SLC8A1: variants seen among roughly 807,000 people sequenced by gnomAD.
SLC8A1 encodes the protein solute carrier family 8 member A1.
A neutral mutation model predicts 68.3 loss-of-function variants in SLC8A1; 18 were observed. That is an observed-to-expected ratio of 0.26 (90% CI 0.18 to 0.39). SLC8A1 has a LOEUF of 0.39. Ranked by LOEUF, SLC8A1 falls within the 10% of genes least tolerant of loss-of-function variation. The pLI is 1.00. For missense variants in SLC8A1, 985 were observed against 1,156.7 expected (o/e 0.85, Z 2.15); for synonymous variants, 475 against 415.5 (o/e 1.14, Z -1.74).
chr2:40,270,052 A>C (rs1454228774), intron 2 of SLC8A1, among the ~76,000 whole-genome samples: 1 of 152,180 alleles, frequency 6.6e-6, no homozygotes, highest in Non-Finnish European at 1.5e-5. Flanking sequence ...AATTCTTACA[A>C]TAAATGGTCA....
At chr2:40,497,333 G>C (rs1341632569) in intron 1 of SLC8A1, among the ~76,000 whole-genome samples, 1 of 152,032 alleles carries the variant, frequency 6.6e-6, no homozygotes, top group African/African-American at 2.4e-5. Context: ...CTGTGTGTCA[G>C]ACACTGTGTC....
intron 2 of SLC8A1, among the ~76,000 whole-genome samples, chr2:40,188,549 G>A (rs1308265386): frequency 4.6e-5 from 7 of 152,178 alleles, no homozygotes; most frequent in African/African-American, 9.7e-5. Context: ...CATCAGACTC[G>A]TTCCAGAGAT....
At chr2:40,323,941 T>C (rs1407416223) in intron 2 of SLC8A1, among the ~76,000 whole-genome samples, 1 of 151,892 alleles carries the variant, frequency 6.6e-6, no homozygotes, top group Non-Finnish European at 1.5e-5. Flanking sequence ...CTGTACAAAA[T>C]TTTGCTTATT....
At chr2:40,235,299 G>A (rs934114112) in intron 2 of SLC8A1, among the ~76,000 whole-genome samples, 4 of 152,092 alleles carry the variant, frequency 2.6e-5, no homozygotes, top group African/African-American at 9.7e-5. Context: ...TCTATTCAGA[G>A]ATTCAACTTC....
intron 2 of SLC8A1, among the ~76,000 whole-genome samples, chr2:40,298,673 T>A (rs1204556985): frequency 2.0e-5 from 3 of 152,186 alleles, no homozygotes; most frequent in Admixed American, 6.5e-5. Context: ...TATGTTCAAG[T>A]TTTCGCTAAC....
chr2:40,368,682 T>A (rs1488054769), intron 2 of SLC8A1, among the ~76,000 whole-genome samples: 1 of 152,062 alleles, frequency 6.6e-6, no homozygotes, highest in Admixed American at 6.6e-5. Context: ...TACAGATTAT[T>A]TGAAAACCCA....
chr2:40,178,255 A>C, intron 2 of SLC8A1, 132 bp downstream of exon 3: 1 of 734,362 alleles, frequency 1.4e-6, no homozygotes, highest in Non-Finnish European at 2.4e-6. Context: ...GTGGCTCAGC[A>C]TGAGATCTGT....
Position 40,422,254 on chromosome 2 carries a change from G to A in SLC8A1, c.1808+6219C>T, listed in dbSNP as rs112514826. On this transcript the variant is annotated intron_variant, in intron 2 of 7. Coordinates refer to ENST00000406785, the Ensembl canonical transcript of SLC8A1. ...TTTATACTGTAATAAGGGACTAATC[G>A]ATGTTCTACCCCAAACAGTAAATCT... 5.3e-3 allele frequency among the ~76,000 whole-genome samples: 799 copies of A among 149,494 alleles called. 8 individuals carry two copies. The highest frequency in any genetic ancestry group is 0.019 in the African/African-American group (734 of 38,948).
At chr2:40,218,780 T>A (rs1428655640) in intron 2 of SLC8A1, among the ~76,000 whole-genome samples, 1 of 151,956 alleles carries the variant, frequency 6.6e-6, no homozygotes, top group Non-Finnish European at 1.5e-5. Context: ...TAGACCTGTT[T>A]CTTCTATTTT....
rs139431716 is a variant in SLC8A1 at position 40,257,242 on chromosome 2, A to T, written c.1809-79387T>A. Among the ~76,000 whole-genome samples the T allele has an allele frequency of 2.8e-3, 433 of 152,258 alleles. 2 individuals are homozygous for T. The highest frequency in any genetic ancestry group is 9.5e-3 in the African/African-American group (393 of 41,556). ...AGATAAAAAATAAATAAATAAAAAG[A>T]TCTTAGCTCACTGTCGTACTCTAGT... On this transcript the variant is annotated intron_variant, in intron 2 of 7. Transcript: ENST00000406785.
intron 2 of SLC8A1, among the ~76,000 whole-genome samples, chr2:40,328,499 C>T (rs969831183): frequency 1.6e-4 from 24 of 152,158 alleles, no homozygotes; most frequent in African/African-American, 5.6e-4. Flanking sequence ...TAGGTAATGT[C>T]ACCTGATGAC....
intron 1 of SLC8A1, among the ~76,000 whole-genome samples, chr2:40,463,219 T>C (rs959053845): frequency 6.6e-6 from 1 of 151,980 alleles, no homozygotes; most frequent in Non-Finnish European, 1.5e-5. Context: ...GGGAGTGAAG[T>C]GAGTTCAGTA....
At chr2:40,360,582 A>C (rs891099016) in intron 2 of SLC8A1, among the ~76,000 whole-genome samples, 2 of 152,158 alleles carry the variant, frequency 1.3e-5, no homozygotes, top group Non-Finnish European at 1.5e-5. Flanking sequence ...GCAACCCTAC[A>C]GGATAGATAC....
chr2:40,453,861 T>A (rs1198666567), upstream of SLC8A1, among the ~76,000 whole-genome samples: 1 of 152,234 alleles, frequency 6.6e-6, no homozygotes, highest in East Asian at 1.9e-4. Context: ...GTCGGGTCTG[T>A]TGCCAGCAGT....
intron 2 of SLC8A1, among the ~76,000 whole-genome samples, chr2:40,317,214 C>T (rs1266794535): frequency 6.6e-6 from 1 of 152,076 alleles, no homozygotes; most frequent in Non-Finnish European, 1.5e-5. Context: ...TCTCAATTCT[C>T]TTGTTCGACT....
At chr2:40,236,171 T>G (rs1421176529) in intron 2 of SLC8A1, among the ~76,000 whole-genome samples, 2 of 151,730 alleles carry the variant, frequency 1.3e-5, no homozygotes, top group African/African-American at 4.8e-5. Flanking sequence ...CTTTCTGTCT[T>G]GTTGATCTGT....
At chr2:40,352,827 C>G (rs1671527034) in intron 2 of SLC8A1, among the ~76,000 whole-genome samples, 1 of 152,124 alleles carries the variant, frequency 6.6e-6, no homozygotes, top group Admixed American at 6.5e-5. Context: ...AAGGAGAGGC[C>G]TCGATATGTC....
intron 2 of SLC8A1, among the ~76,000 whole-genome samples, chr2:40,212,180 T>C (rs908975842): frequency 4.0e-5 from 6 of 150,704 alleles, no homozygotes; most frequent in Non-Finnish European, 1.5e-5. Context: ...GAAAGAGACA[T>C]AAATCCCAGT....
At chr2:40,135,342 A>G (rs2040291747) in intron 7 of SLC8A1, among the ~76,000 whole-genome samples, 1 of 152,202 alleles carries the variant, frequency 6.6e-6, no homozygotes, top group Non-Finnish European at 1.5e-5. Flanking sequence ...TATGGGTGAG[A>G]GAGGACAGCT....
Sources: gnomAD v4.1 joint callset for allele counts (sites outside exome capture counted in the v4.1 genomes callset) on GRCh38, gnomAD v4.1.1 for gene constraint, MANE v1.5 for transcripts, NCBI Gene and HGNC (gene_info 2026-07-23, HGNC 2026-07-21) for gene names.